Variants in RABGAP1L observed in about 807,000 individuals in gnomAD.
RABGAP1L encodes the protein rab GTPase-activating protein 1-like.
In RABGAP1L, 63 loss-of-function variants were observed where a neutral mutation model predicts 137.7. The ratio of observed to expected loss-of-function variants is 0.46; its 90% CI spans 0.37 to 0.56. The LOEUF (loss-of-function observed/expected upper bound fraction) is 0.56. Ranked by LOEUF, RABGAP1L falls within the 20% of genes least tolerant of loss-of-function variation. The probability of loss-of-function intolerance (pLI) is 0.00; values close to 1 mark genes in which losing one functional copy is unlikely to be tolerated. For missense variants in RABGAP1L, 1,095 were observed against 1,244.0 expected (o/e 0.88, Z 1.80); for synonymous variants, 431 against 433.7 (o/e 0.99, Z 0.08).
chr1:174,348,059 CTTG>C (rs1481277054), intron 11 of RABGAP1L, among the ~76,000 whole-genome samples: 1 of 151,630 alleles, frequency 6.6e-6, no homozygotes, highest in African/African-American at 2.4e-5. Context: ...TATTTGTTTT[CTTG>C]TTGTTTTGTA....
chr1:174,945,097 C>G (rs1666519874), intron 19 of RABGAP1L, among the ~76,000 whole-genome samples: 1 of 152,174 alleles, frequency 6.6e-6, no homozygotes, highest in African/African-American at 2.4e-5. Context: ...TCTCTCCTCT[C>G]TTATTGTCTG....
chr1:174,292,702 G>C (rs751607061), intron 10 of RABGAP1L, among the ~76,000 whole-genome samples: 5 of 152,060 alleles, frequency 3.3e-5, no homozygotes, highest in Non-Finnish European at 5.9e-5. Flanking sequence ...AAGAGTACTT[G>C]TAAGGGATGT....
chr1:174,555,174 A>G (rs763797075), intron 13 of RABGAP1L, among the ~76,000 whole-genome samples: 30 of 152,196 alleles, frequency 2.0e-4, no homozygotes, highest in Non-Finnish European at 3.5e-4. Flanking sequence ...CACAAATTAA[A>G]TAAATGGAAT....
chr1:174,791,062 G>T (rs35346441), intron 18 of RABGAP1L, among the ~76,000 whole-genome samples: 2 of 151,666 alleles, frequency 1.3e-5, no homozygotes, highest in African/African-American at 4.8e-5. Flanking sequence ...GTGCTGGCAC[G>T]TGCCTGTAAT....
intron 19 of RABGAP1L, among the ~76,000 whole-genome samples, chr1:174,839,939 A>G (rs1051467194): frequency 1.3e-5 from 2 of 152,250 alleles, no homozygotes; most frequent in African/African-American, 4.8e-5. Flanking sequence ...AGAGATAGAT[A>G]TAGACAGTGT....
At chr1:174,529,244 A>G (rs1055600180) in intron 13 of RABGAP1L, among the ~76,000 whole-genome samples, 1 of 152,002 alleles carries the variant, frequency 6.6e-6, no homozygotes, top group African/African-American at 2.4e-5. Context: ...ATATCTATAC[A>G]TCTCATATAA....
chr1:174,521,356 T>C (rs1173193321), intron 13 of RABGAP1L, among the ~76,000 whole-genome samples: 2 of 152,248 alleles, frequency 1.3e-5, no homozygotes, highest in South Asian at 2.1e-4. Context: ...AATTTTCATT[T>C]TTTCAATGGC....
intron 9 of RABGAP1L, among the ~76,000 whole-genome samples, chr1:174,278,127 G>A (rs1471552663): frequency 6.6e-6 from 1 of 152,220 alleles, no homozygotes; most frequent in African/African-American, 2.4e-5. Context: ...ATGAGGCCAG[G>A]TGTGGTGGCT....
At chr1:174,740,738 A>T (rs572746535) in intron 17 of RABGAP1L, among the ~76,000 whole-genome samples, 24 of 152,024 alleles carry the variant, frequency 1.6e-4, no homozygotes, top group African/African-American at 5.1e-4. Flanking sequence ...TCTTGTCAAC[A>T]TCTGTCTTTT....
chr1:174,409,841 G>A (rs1649708122), intron 13 of RABGAP1L, among the ~76,000 whole-genome samples: 1 of 152,106 alleles, frequency 6.6e-6, no homozygotes, highest in Non-Finnish European at 1.5e-5. Flanking sequence ...AGGTCAGACT[G>A]GTTCTCTGCT....
chr1:174,635,112 C>A (rs193187101), intron 13 of RABGAP1L, among the ~76,000 whole-genome samples: 2 of 151,974 alleles, frequency 1.3e-5, no homozygotes, highest in Admixed American at 1.3e-4. Context: ...GGCAAATTTA[C>A]TCTCTAGATT....
intron 1 of RABGAP1L, among the ~76,000 whole-genome samples, chr1:174,195,813 CCTT>C (rs1667634350): frequency 2.0e-5 from 2 of 98,584 alleles, no homozygotes; most frequent in Admixed American, 2.1e-4. Context: ...TTCTTTCTAT[CCTT>C]CTTTCTTTCT....
At chr1:174,924,795 C>T (rs1007255037) in intron 19 of RABGAP1L, among the ~76,000 whole-genome samples, 4 of 151,982 alleles carry the variant, frequency 2.6e-5, no homozygotes, top group African/African-American at 4.8e-5. Context: ...TTACAGACCC[C>T]GAGAATTCCC....
At chr1:174,800,458 T>C in intron 18 of RABGAP1L, 1 of 1,550,910 alleles carries the variant, frequency 6.4e-7, no homozygotes, top group Admixed American at 2.0e-5. Context: ...TGCTGGAACT[T>C]CTGGGGATGG....
At chr1:174,409,911 C>T (rs1649717163) in intron 13 of RABGAP1L, among the ~76,000 whole-genome samples, 1 of 152,214 alleles carries the variant, frequency 6.6e-6, no homozygotes, top group African/African-American at 2.4e-5. Context: ...CACAGCTGAA[C>T]ATAGACCCTT....
At position 174,662,997 on chromosome 1, in the gene RABGAP1L, G is replaced by C. The variant is rs184196243; in HGVS notation, c.1825-20525G>C. On this transcript the variant is annotated intron_variant, in intron 14 of 25. Transcript: ENST00000681986. ...TTTTAAGCAAAGTATTATTACAAAA[G>C]TTAACAGGTTTTAAAAATTAAAAAT... 3.5e-3 allele frequency among the ~76,000 whole-genome samples: 539 copies of C among 152,268 alleles called. 5 individuals are homozygous for C. The highest frequency in any genetic ancestry group is 0.012 in the African/African-American group (513 of 41,542).
chr1:174,880,064 C>CA (rs10610404), intron 19 of RABGAP1L, among the ~76,000 whole-genome samples: 4 of 127,962 alleles, frequency 3.1e-5, no homozygotes, highest in Non-Finnish European at 6.8e-5. Flanking sequence ...GACTCTGTCT[C>CA]AAAAAAAAAA....
intron 19 of RABGAP1L, among the ~76,000 whole-genome samples, chr1:174,916,630 A>G (rs1660930112): frequency 6.6e-6 from 1 of 152,246 alleles, no homozygotes; most frequent in Non-Finnish European, 1.5e-5. Context: ...TGTCAGTTTC[A>G]GTATACACAA....
intron 23 of RABGAP1L, among the ~76,000 whole-genome samples, chr1:174,980,219 G>C (rs1670974113): frequency 6.6e-6 from 1 of 151,794 alleles, no homozygotes; most frequent in Non-Finnish European, 1.5e-5. Flanking sequence ...AATACATTAT[G>C]AACATCTTTC....
Sources: allele counts gnomAD v4.1 joint callset (sites outside exome capture counted in the v4.1 genomes callset), GRCh38; gene constraint gnomAD v4.1.1; transcripts MANE v1.5; gene names NCBI Gene and HGNC (gene_info 2026-07-23, HGNC 2026-07-21).